Variants in CSMD3 observed in about 807,000 individuals in gnomAD.
CSMD3 encodes the protein CUB and Sushi multiple domains 3.
In CSMD3, 177 loss-of-function variants were observed where a neutral mutation model predicts 435.2. That is an observed-to-expected ratio of 0.41 (90% CI 0.36 to 0.46). The LOEUF (loss-of-function observed/expected upper bound fraction) is 0.46, where lower values mean the gene tolerates loss of function less well. Among genes scored for constraint, CSMD3 ranks in the 20% least tolerant of loss-of-function variants. CSMD3 has a pLI of 0.34. For missense variants in CSMD3, 4,265 were observed against 4,504.6 expected, an observed-to-expected ratio of 0.95 and a Z score of 1.52; for synonymous variants, 1,656 against 1,520.5, an observed-to-expected ratio of 1.09 and a Z score of -2.07.
intron 3 of CSMD3, among the ~76,000 whole-genome samples, chr8:113,262,623 C>T (rs1312430997): frequency 1.3e-5 from 2 of 152,012 alleles, no homozygotes; most frequent in Non-Finnish European, 2.9e-5. Flanking sequence ...TATATTCCTG[C>T]TCTGCTGAAA....
At chr8:112,706,822 G>T (rs1033266146) in intron 13 of CSMD3, among the ~76,000 whole-genome samples, 1 of 152,044 alleles carries the variant, frequency 6.6e-6, no homozygotes, top group African/African-American at 2.4e-5. Flanking sequence ...CAATTAAAGA[G>T]ACATGACACT....
chr8:112,780,660 G>A (rs1362388996), intron 13 of CSMD3, among the ~76,000 whole-genome samples: 1 of 152,020 alleles, frequency 6.6e-6, no homozygotes, highest in Non-Finnish European at 1.5e-5. Context: ...GCTTGGAGTA[G>A]GGAGAACACA....
chr8:112,307,042 A>C (rs547186199), intron 50 of CSMD3, among the ~76,000 whole-genome samples: 1 of 152,060 alleles, frequency 6.6e-6, no homozygotes, highest in South Asian at 2.1e-4. Context: ...GAAAAAAAAA[A>C]ACACATAATC....
chr8:112,835,539 A>G (rs1489283124), intron 11 of CSMD3, among the ~76,000 whole-genome samples: 1 of 151,912 alleles, frequency 6.6e-6, no homozygotes, highest in African/African-American at 2.4e-5. Flanking sequence ...GGTAGGAAGT[A>G]CAGCATACCT....
At chr8:112,301,230 G>T (rs963629294) in intron 53 of CSMD3, among the ~76,000 whole-genome samples, 4 of 151,856 alleles carry the variant, frequency 2.6e-5, no homozygotes, top group African/African-American at 4.8e-5. Flanking sequence ...TAAGAAGAAC[G>T]AACTAGTTCA....
chr8:112,521,802 T>A (rs1824313079), intron 27 of CSMD3, among the ~76,000 whole-genome samples: 1 of 151,876 alleles, frequency 6.6e-6, no homozygotes, highest in African/African-American at 2.4e-5. Flanking sequence ...TAAAACCTTT[T>A]AATCTTCTGA....
rs148851493 is a variant in CSMD3, at chr8:112,491,311, T to A, written c.5278+1178A>T. On this transcript the variant is annotated intron_variant, in intron 31 of 70. Transcript: ENST00000297405. ...AAATATATACACAGAGGTATATTTA[T>A]TGTATTTTATTTATTTCTTTATATA... 3.3e-5 allele frequency among the ~76,000 whole-genome samples: 5 copies of A among 152,312 alleles called. No individual in the cohort carries two copies. In the East Asian group the frequency reaches 9.6e-4, roughly 29 times the overall value.
intron 17 of CSMD3, among the ~76,000 whole-genome samples, chr8:112,661,343 A>G (rs1020134140): frequency 5.9e-5 from 9 of 152,222 alleles, no homozygotes; most frequent in Non-Finnish European, 1.2e-4. Context: ...TTCTAAAGGT[A>G]TCTAAACAAG....
At chr8:112,602,790 C>G (rs1832471625) in intron 22 of CSMD3, among the ~76,000 whole-genome samples, 1 of 151,920 alleles carries the variant, frequency 6.6e-6, no homozygotes, top group South Asian at 2.1e-4. Context: ...ATTTATAGTA[C>G]TGTATTTATT....
intron 1 of CSMD3, among the ~76,000 whole-genome samples, chr8:113,405,234 T>C (rs2094527365): frequency 6.6e-6 from 1 of 151,604 alleles, no homozygotes; most frequent in Admixed American, 6.6e-5. Flanking sequence ...TTCTGACATT[T>C]GCAATCAAAG....
At chr8:113,112,454 T>TAC (rs1194208817) in intron 4 of CSMD3, among the ~76,000 whole-genome samples, 30 of 45,330 alleles carry the variant, frequency 6.6e-4, no homozygotes, top group Middle Eastern at 0.01. Context: ...TATATGTATA[T>TAC]ACACACACAC....
chr8:112,730,903 C>G (rs1413294504), intron 13 of CSMD3, among the ~76,000 whole-genome samples: 2 of 152,072 alleles, frequency 1.3e-5, no homozygotes, highest in Non-Finnish European at 2.9e-5. Flanking sequence ...TCACAGTGCT[C>G]TTGAAACCAC....
At chr8:112,753,185 A>T (rs2077614431) in intron 13 of CSMD3, among the ~76,000 whole-genome samples, 1 of 152,224 alleles carries the variant, frequency 6.6e-6, no homozygotes, top group Non-Finnish European at 1.5e-5. Flanking sequence ...TGATAAATCA[A>T]TGATAAGCAG....
chr8:112,651,744 G>T lies in CSMD3; in HGVS notation c.3005-1395C>A, dbSNP rs193115811. On this transcript the variant is annotated intron_variant, in intron 18 of 70. Coordinates refer to ENST00000297405, the MANE Select transcript of CSMD3 (RefSeq NM_198123.2). ...AGTAGAGACGGGTTTTACCATGCTG[G>T]CCAGGCTGGTCTTGAACTCCTGACC... Among the ~76,000 whole-genome samples the T allele has an allele frequency of 3.6e-3, 551 of 151,906 alleles. 7 individuals are homozygous for T. Among genetic ancestry groups the T allele is most frequent in the Middle Eastern group, 0.014 (4 of 294 alleles).
At chr8:112,984,204 T>C (rs2085161898) in intron 6 of CSMD3, among the ~76,000 whole-genome samples, 1 of 151,852 alleles carries the variant, frequency 6.6e-6, no homozygotes, top group African/African-American at 2.4e-5. Flanking sequence ...TATTTATATT[T>C]GTCCATATTT....
intron 45 of CSMD3, among the ~76,000 whole-genome samples, chr8:112,320,346 C>T (rs1822875082): frequency 6.6e-6 from 1 of 152,110 alleles, no homozygotes; most frequent in African/African-American, 2.4e-5. Flanking sequence ...ATGCCCTGCA[C>T]TTAGCAAAGT....
At chr8:112,305,013 G>A in intron 51 of CSMD3, 98 bp from the exon 52 acceptor site, 1 of 859,086 alleles carries the variant, frequency 1.2e-6, no homozygotes, top group Non-Finnish European at 1.9e-6. Flanking sequence ...ACTTACTCTT[G>A]CACTATACAA....
intron 1 of CSMD3, among the ~76,000 whole-genome samples, chr8:113,335,579 C>T (rs1339121826): frequency 3.3e-5 from 2 of 61,294 alleles, no homozygotes; most frequent in Non-Finnish European, 5.5e-5. Context: ...TTACATGAAA[C>T]CTTAGATTGT....
intron 1 of CSMD3, chr8:113,376,722 G>C (rs760856414): frequency 1.5e-5 from 24 of 1,613,908 alleles, no homozygotes; most frequent in Non-Finnish European, 1.9e-5. Flanking sequence ...AGGAGCCTAA[G>C]AGCCAGGATA....
Sources: allele counts gnomAD v4.1 joint callset (sites outside exome capture counted in the v4.1 genomes callset), GRCh38; gene constraint gnomAD v4.1.1; transcripts MANE v1.5; gene names NCBI Gene and HGNC (gene_info 2026-07-23, HGNC 2026-07-21).